Variants in GRM7 observed in about 807,000 individuals in gnomAD.
GRM7 encodes the protein metabotropic glutamate receptor 7.
A neutral mutation model predicts 84.5 loss-of-function variants in GRM7; 35 were observed. That is an observed-to-expected ratio of 0.41 (90% CI 0.32 to 0.55). GRM7 has a LOEUF of 0.55. Ranked by LOEUF, GRM7 falls within the 20% of genes least tolerant of loss-of-function variation. GRM7 has a pLI of 0.19. For synonymous variants in GRM7, 487 were observed against 455.1 expected, an observed-to-expected ratio of 1.07 and a Z score of -0.89; for missense variants, 1,003 against 1,194.6, an observed-to-expected ratio of 0.84 and a Z score of 2.36.
chr3:6,893,071 T>C (rs1696031657), intron 1 of GRM7: 1 of 152,176 alleles, frequency 6.6e-6, no homozygotes, highest in African/African-American at 2.4e-5. Context: ...CATATCATCT[T>C]AATAACCATT....
chr3:7,026,450 G>A (rs1445088217), intron 1 of GRM7, among the ~76,000 whole-genome samples: 2 of 152,200 alleles, frequency 1.3e-5, no homozygotes, highest in Non-Finnish European at 2.9e-5. Flanking sequence ...GCGGGGATAA[G>A]AGAATTTGCC....
At chr3:7,610,300 A>T (rs1696790941) in intron 8 of GRM7, among the ~76,000 whole-genome samples, 1 of 152,114 alleles carries the variant, frequency 6.6e-6, no homozygotes, top group South Asian at 2.1e-4. Context: ...CATAATAGAG[A>T]TGCTTTTTAA....
intron 1 of GRM7, among the ~76,000 whole-genome samples, chr3:6,908,418 G>A (rs74893018): frequency 0.016 from 2,447 of 152,224 alleles, 63 homozygotes; most frequent in African/African-American, 0.056. Flanking sequence ...TTAATTCTCC[G>A]GCAATCCTGA....
At chr3:7,463,196 A>C (rs1424386581) in intron 7 of GRM7, among the ~76,000 whole-genome samples, 1 of 152,176 alleles carries the variant, frequency 6.6e-6, no homozygotes, top group Non-Finnish European at 1.5e-5. Context: ...AAATAGGTTC[A>C]TTAATCTTTT....
chr3:7,680,694 T>G (rs1453055633), intron 9 of GRM7: 1 of 182,690 alleles, frequency 5.5e-6, no homozygotes, highest in Non-Finnish European at 1.1e-5. Context: ...ATTAGGATTT[T>G]GGAAGCGAAA....
At chr3:7,104,599 G>GT (rs979060533) in intron 1 of GRM7, among the ~76,000 whole-genome samples, 3 of 151,404 alleles carry the variant, frequency 2.0e-5, no homozygotes, top group Non-Finnish European at 3.0e-5. Context: ...GTAATTGCCA[G>GT]TTTTTTTTGT....
chr3:7,437,712 T>G (rs1697116835), intron 5 of GRM7, among the ~76,000 whole-genome samples: 1 of 152,208 alleles, frequency 6.6e-6, no homozygotes, highest in East Asian at 1.9e-4. Context: ...TTCTTTCTCT[T>G]CGTGTGTTCC....
At chr3:7,569,703 G>A (rs1381444931) in intron 7 of GRM7, among the ~76,000 whole-genome samples, 1 of 152,004 alleles carries the variant, frequency 6.6e-6, no homozygotes, top group Non-Finnish European at 1.5e-5. Flanking sequence ...CACTCCTGAA[G>A]CCAGCGAGAC....
intron 7 of GRM7, among the ~76,000 whole-genome samples, chr3:7,547,742 TC>T (rs1559394814): frequency 6.6e-6 from 1 of 152,088 alleles, no homozygotes. Flanking sequence ...CATCTGACTC[TC>T]CCATGTACAA....
rs150245425 is a variant in GRM7, at chr3:7,078,089, G to T, written c.520-68363G>T. Reference sequence around the variant, plus strand: ...GACTGTGTTTCAGTGCTGCCTGCAGGCCATAGCTTGCTGAACCCTGATGAA... The same window carrying T: ...GACTGTGTTTCAGTGCTGCCTGCAGTCCATAGCTTGCTGAACCCTGATGAA... On this transcript the variant is annotated intron_variant, in intron 1 of 9. Coordinates refer to ENST00000357716, the MANE Select transcript of GRM7 (RefSeq NM_000844.4). Among the ~76,000 whole-genome samples the T allele has an allele frequency of 8.6e-3, 1,303 of 152,292 alleles. 15 individuals are homozygous for T. The highest frequency in any genetic ancestry group is 0.03 in the African/African-American group (1,247 of 41,568).
rs558414474 is a variant in GRM7, at chr3:7,391,564, C to G, written c.1034-23459C>G. Among the ~76,000 whole-genome samples, 792 of 151,570 alleles carry G rather than the reference C, an allele frequency of 5.2e-3. 8 individuals carry two copies. The highest frequency in any genetic ancestry group is 0.018 in the African/African-American group (728 of 41,282). On this transcript the variant is annotated intron_variant, in intron 4 of 9. Transcript: ENST00000357716. Reference sequence around the variant, plus strand: ...TCACACACCGGGGCCTGTCGTGGGGCGGGGGAAGTGGGGAGGGATAACATT... The same window carrying G: ...TCACACACCGGGGCCTGTCGTGGGGGGGGGGAAGTGGGGAGGGATAACATT...
chr3:7,159,956 C>T (rs947211729), intron 2 of GRM7, among the ~76,000 whole-genome samples: 25 of 152,116 alleles, frequency 1.6e-4, no homozygotes, highest in African/African-American at 5.8e-4. Flanking sequence ...TTATGAAAAG[C>T]ATTACCCATG....
At chr3:7,298,616 A>G (rs1480491129) in intron 2 of GRM7, 68 bp from the exon 3 acceptor site, 17 of 1,351,382 alleles carry the variant, frequency 1.3e-5, no homozygotes, top group East Asian at 1.2e-4. Flanking sequence ...CTCCTCATCT[A>G]CCTTCCTTGG....
chr3:7,338,909 T>C (rs1300343621), intron 4 of GRM7, among the ~76,000 whole-genome samples: 2 of 151,154 alleles, frequency 1.3e-5, no homozygotes, highest in Non-Finnish European at 2.9e-5. Context: ...TGTAGTTTCA[T>C]AAACAGAGAC....
intron 6 of GRM7, among the ~76,000 whole-genome samples, chr3:7,461,097 C>G (rs1028425657): frequency 6.6e-6 from 1 of 152,122 alleles, no homozygotes; most frequent in Non-Finnish European, 1.5e-5. Flanking sequence ...TAGAAAAGTA[C>G]ATTTAAATAC....
chr3:7,070,467 T>C (rs1398763562), intron 1 of GRM7, among the ~76,000 whole-genome samples: 2 of 152,166 alleles, frequency 1.3e-5, no homozygotes, highest in Non-Finnish European at 2.9e-5. Context: ...AAACTTATTT[T>C]TATTTAATCA....
At chr3:6,944,961 C>A (rs1380097773) in intron 1 of GRM7, among the ~76,000 whole-genome samples, 1 of 152,052 alleles carries the variant, frequency 6.6e-6, no homozygotes, top group African/African-American at 2.4e-5. Context: ...CTTTTAATAT[C>A]TGTAGAATCT....
At chr3:6,922,164 G>C (rs1697149948) in intron 1 of GRM7, among the ~76,000 whole-genome samples, 1 of 152,164 alleles carries the variant, frequency 6.6e-6, no homozygotes, top group South Asian at 2.1e-4. Context: ...GACATCCTCA[G>C]ATCACATAGC....
intron 1 of GRM7, among the ~76,000 whole-genome samples, chr3:7,136,374 T>G (rs527351604): frequency 2.6e-5 from 4 of 151,992 alleles, no homozygotes; most frequent in African/African-American, 9.6e-5. Context: ...TGGCAAAGTT[T>G]GAATCCTGAG....
Sources: gnomAD v4.1 joint callset for allele counts (sites outside exome capture counted in the v4.1 genomes callset) on GRCh38, gnomAD v4.1.1 for gene constraint, MANE v1.5 for transcripts, NCBI Gene and HGNC (gene_info 2026-07-23, HGNC 2026-07-21) for gene names.